The following KIRREL3 variants were observed in gnomAD, a reference collection of about 807,000 sequenced individuals.
KIRREL3 encodes kirre like nephrin family adhesion molecule 3.
In KIRREL3, 36 loss-of-function variants were observed where a neutral mutation model predicts 89.7. That is an observed-to-expected ratio of 0.40 (90% CI 0.31 to 0.53). The LOEUF is 0.53. Ranked by LOEUF, KIRREL3 falls within the 20% of genes least tolerant of loss-of-function variation. The pLI, the probability that KIRREL3 is intolerant of heterozygous loss-of-function variation, is 0.49. For synonymous variants in KIRREL3, 445 were observed against 441.4 expected, an observed-to-expected ratio of 1.01 and a Z score of -0.10; for missense variants, 864 against 1,056.6, an observed-to-expected ratio of 0.82 and a Z score of 2.53.
At chr11:126,957,067 C>G (rs545664315) in intron 1 of KIRREL3, among the ~76,000 whole-genome samples, 1 of 152,334 alleles carries the variant, frequency 6.6e-6, no homozygotes, top group Admixed American at 6.5e-5. Context: ...TGGTGTCTCC[C>G]CACTGTGCCA....
intron 1 of KIRREL3, among the ~76,000 whole-genome samples, chr11:126,889,483 A>T (rs962856574): frequency 6.6e-5 from 10 of 152,132 alleles, no homozygotes; most frequent in African/African-American, 9.7e-5. Flanking sequence ...ATGATTTTTT[A>T]AAAATTGTTC....
rs923582581 is a variant in KIRREL3 at position 126,796,510 on chromosome 11, A to G, written c.55+203945T>C. Among the ~76,000 whole-genome samples, 1 of 152,296 alleles carries G rather than the reference A, an allele frequency of 6.6e-6. No individual in the cohort carries two copies. The highest frequency in any genetic ancestry group is 2.4e-5 in the African/African-American group (1 of 41,552). On this transcript the variant is annotated intron_variant, in intron 1 of 16. Coordinates refer to ENST00000525144, the MANE Select transcript of KIRREL3 (RefSeq NM_032531.4). The surrounding 1 kb of genome is among the most constrained non-coding windows in gnomAD (Gnocchi z 5.1). ...GAATGGTGCGATTTGAAAAGCCTCC[A>G]GTATCTGCTGCTGACATCTGAAATT...
chr11:126,965,295 T>C lies in KIRREL3; in HGVS notation c.55+35160A>G, dbSNP rs1949230300. Among the ~76,000 whole-genome samples the C allele has an allele frequency of 6.6e-6, 1 of 152,212 alleles. No homozygotes were observed. On this transcript the variant is annotated intron_variant, in intron 1 of 16. Transcript: ENST00000525144. The surrounding 1 kb of genome is among the most constrained non-coding windows in gnomAD (Gnocchi z 4.4). ...CAAATCTACTTAGGCTGTTCAATTGTATTGCTTATTTACAGAGATGCTTTT... is the reference window on the plus strand; with the variant it reads ...CAAATCTACTTAGGCTGTTCAATTGCATTGCTTATTTACAGAGATGCTTTT...
intron 1 of KIRREL3, among the ~76,000 whole-genome samples, chr11:126,907,590 T>C (rs1283988888): frequency 6.6e-6 from 1 of 152,194 alleles, no homozygotes; most frequent in Non-Finnish European, 1.5e-5. Flanking sequence ...GGAGCTCTTC[T>C]ACCATTTGCT....
At position 126,936,288 on chromosome 11, in the gene KIRREL3, C is replaced by T. The variant is rs553236902; in HGVS notation, c.55+64167G>A. On this transcript the variant is annotated intron_variant, in intron 1 of 16. Coordinates refer to ENST00000525144, the MANE Select transcript of KIRREL3 (RefSeq NM_032531.4). ...ATAAACTGGAACCCTCAATACATTG[C>T]TGGTAGAAATGTTAAATGTTACAGC... 9 of 152,256 alleles carry T rather than the reference C, an allele frequency of 5.9e-5. No homozygotes were observed. In the East Asian group the frequency reaches 1.2e-3, roughly 20 times the overall value. The allele number at this position is 152,256 out of a possible 1,614,324, so 9.4% of individuals were successfully genotyped here. A position where few individuals can be genotyped will look rare whatever the true frequency, so the allele number is the denominator to read the frequency against.
chr11:126,940,818 T>C lies in KIRREL3; in HGVS notation c.55+59637A>G, dbSNP rs1310915182. On this transcript the variant is annotated intron_variant, in intron 1 of 16. Transcript: ENST00000525144. The surrounding 1 kb of genome is among the most constrained non-coding windows in gnomAD (Gnocchi z 4.6). ...TTTTTTCTTTTCTTTCTTTTTTTTT[T>C]CTTTTGGTGTAACAGTATCGCATGA... is the stretch of plus-strand genomic sequence containing the variant. 1.3e-5 allele frequency: 2 copies of C among 152,118 alleles called. No homozygotes were observed. The highest frequency in any genetic ancestry group is 2.9e-5 in the Non-Finnish European group (2 of 68,046). 9.4% of individuals were successfully genotyped at this position (152,118 alleles called of 1,614,324 possible). A position where few individuals can be genotyped will look rare whatever the true frequency, so the allele number is the denominator to read the frequency against.
At chr11:126,452,413 G>A (rs967159769) in intron 7 of KIRREL3, among the ~76,000 whole-genome samples, 2 of 152,258 alleles carry the variant, frequency 1.3e-5, no homozygotes, top group African/African-American at 2.4e-5. Flanking sequence ...TGAGGCGAGG[G>A]GGCCAGGTGG....
rs950408501 is a variant in KIRREL3 at position 126,606,256 on chromosome 11, T to C, written c.56-43344A>G. On this transcript the variant is annotated intron_variant, in intron 1 of 16. Coordinates refer to ENST00000525144, the MANE Select transcript of KIRREL3 (RefSeq NM_032531.4). The surrounding 1 kb of genome is among the most constrained non-coding windows in gnomAD (Gnocchi z 4.6). ...ATTTTTATGAAGGCACAGTTTAGTA[T>C]GGTGTTTATGAGAGTGGATCTGGAG... Among the ~76,000 whole-genome samples the C allele has an allele frequency of 9.2e-5, 14 of 152,314 alleles. No homozygotes were observed. The highest frequency in any genetic ancestry group is 3.4e-4 in the African/African-American group (14 of 41,564).
rs957577318 is a variant in KIRREL3 at position 126,860,828 on chromosome 11, G to A, written c.55+139627C>T. Among the ~76,000 whole-genome samples the A allele has an allele frequency of 4.6e-5, 7 of 152,136 alleles. No individual in the cohort carries two copies. The highest frequency in any genetic ancestry group is 1.3e-4 in the Admixed American group (2 of 15,276). On this transcript the variant is annotated intron_variant, in intron 1 of 16. Transcript: ENST00000525144. This position sits in a 1 kb window ranked among gnomAD's most constrained non-coding sequence, Gnocchi z 4.6. ...GAGGTACAAATGCAAGATGGCACCCGTGGACACATTGAAAGTTTAGTGATC... is the reference window on the plus strand; with the variant it reads ...GAGGTACAAATGCAAGATGGCACCCATGGACACATTGAAAGTTTAGTGATC...
chr11:126,560,303 C>T lies in KIRREL3; in HGVS notation c.133+2532G>A, dbSNP rs575125543. Reference sequence around the variant, plus strand: ...CACGCACACACACACATACACTCTCCATATATTACCAACCACCTCCATTCC... The same window carrying T: ...CACGCACACACACACATACACTCTCTATATATTACCAACCACCTCCATTCC... On this transcript the variant is annotated intron_variant, in intron 2 of 16. Coordinates refer to ENST00000525144, the MANE Select transcript of KIRREL3 (RefSeq NM_032531.4). Among the ~76,000 whole-genome samples the T allele has an allele frequency of 1.3e-4, 20 of 152,280 alleles. No individual in the cohort carries two copies. The South Asian group carries it at 3.9e-3, about 30-fold the overall frequency.
At position 126,909,005 on chromosome 11, in the gene KIRREL3, AGTT is replaced by A. The variant is rs1352647363; in HGVS notation, c.55+91447_55+91449del. Among the ~76,000 whole-genome samples, 1 of 152,150 alleles carries A rather than the reference AGTT, an allele frequency of 6.6e-6. No individual in the cohort carries two copies. The highest frequency in any genetic ancestry group is 1.5e-5 in the Non-Finnish European group (1 of 68,016). ...TACTTAAATTTGTTATATTATTTAA[AGTT>A]GTTATGTTAAATTTGTGTTATTTTT... On this transcript the variant is annotated intron_variant, in intron 1 of 16. Coordinates refer to ENST00000525144, the MANE Select transcript of KIRREL3 (RefSeq NM_032531.4). The surrounding 1 kb of genome is among the most constrained non-coding windows in gnomAD (Gnocchi z 4.5).
rs56150011 is a variant in KIRREL3 at position 126,924,974 on chromosome 11, GAAAA to G, written c.55+75477_55+75480del. 5.6e-5 allele frequency among the ~76,000 whole-genome samples: 8 copies of G among 143,100 alleles called. No homozygotes were observed. The highest frequency in any genetic ancestry group is 9.1e-5 in the Non-Finnish European group (6 of 66,010). The allele number at this position is 143,100 out of a possible 152,430, so 93.9% of individuals were successfully genotyped here. A position where few individuals can be genotyped will look rare whatever the true frequency, so the allele number is the denominator to read the frequency against. ...CAGTGGAGGAGGTTGGGATAAAATT[GAAAA>G]AAAAAAAAAACAGTCCTAGGAGTTA... On this transcript the variant is annotated intron_variant, in intron 1 of 16. Transcript: ENST00000525144. This position sits in a 1 kb window ranked among gnomAD's most constrained non-coding sequence, Gnocchi z 4.7.
In KIRREL3 at chr11:126,622,865, A is replaced by G. The variant is rs143275453; in HGVS notation, c.56-59953T>C. 2.4e-3 allele frequency among the ~76,000 whole-genome samples: 360 copies of G among 152,278 alleles called. 2 individuals are homozygous for G. Among genetic ancestry groups the G allele is most frequent in the African/African-American group, 8.4e-3 (348 of 41,564 alleles). ...GCACAATTTTATTTGCTTTATCTAT[A>G]TTAATTCTTTTCATCCTTATGAAAA... On this transcript the variant is annotated intron_variant, in intron 1 of 16. Transcript: ENST00000525144. This position sits in a 1 kb window ranked among gnomAD's most constrained non-coding sequence, Gnocchi z 5.2.
rs1955649011 is a variant in KIRREL3 at position 126,443,113 on chromosome 11, G to T, written c.1252+1866C>A. 6.6e-6 allele frequency among the ~76,000 whole-genome samples: 1 copy of T among 152,190 alleles called. No homozygotes were observed. Among genetic ancestry groups the T allele is most frequent in the South Asian group, 2.1e-4 (1 of 4,832 alleles). ...ACGTCTAAAGTGACAGCAGATGTCA[G>T]CTCCTCCTTTATCCACCTGCTTTTC... On this transcript the variant is annotated intron_variant, in intron 10 of 16. Coordinates refer to ENST00000525144, the MANE Select transcript of KIRREL3 (RefSeq NM_032531.4). This position sits in a 1 kb window ranked among gnomAD's most constrained non-coding sequence, Gnocchi z 7.3.
intron 4 of KIRREL3, among the ~76,000 whole-genome samples, chr11:126,511,496 T>C (rs1948456977): frequency 6.6e-6 from 1 of 152,174 alleles, no homozygotes; most frequent in Admixed American, 6.5e-5. Context: ...GCAATGCATC[T>C]TTCCTCTGCA....
chr11:126,599,822 C>G (rs941629081), intron 1 of KIRREL3, among the ~76,000 whole-genome samples: 6 of 152,192 alleles, frequency 3.9e-5, no homozygotes, highest in African/African-American at 1.4e-4. Context: ...CCTGACTTGA[C>G]CCCAGCTGGT....
intron 1 of KIRREL3, among the ~76,000 whole-genome samples, chr11:126,583,993 G>A (rs189148687): frequency 1.1e-4 from 16 of 152,284 alleles, no homozygotes; most frequent in Non-Finnish European, 7.4e-5. Flanking sequence ...TGTTTATTAT[G>A]TGTAAATAGG....
In KIRREL3 at chr11:126,444,198, T is replaced by TTA. The variant is rs528974086; in HGVS notation, c.1252+779_1252+780dup. Among the ~76,000 whole-genome samples, 132 of 152,336 alleles carry TTA rather than the reference T, an allele frequency of 8.7e-4. 1 individual carries two copies. Among genetic ancestry groups the TTA allele is most frequent in the Non-Finnish European group, 1.6e-3 (110 of 68,020 alleles). On this transcript the variant is annotated intron_variant, in intron 10 of 16. Coordinates refer to ENST00000525144, the MANE Select transcript of KIRREL3 (RefSeq NM_032531.4). ...TACTCCCCTGCTGCAATTATTTTTATTATATATAATAAGACATGCCCCCTG... is the reference window on the plus strand; with the variant it reads ...TACTCCCCTGCTGCAATTATTTTTATTATATATATAATAAGACATGCCCCCTG...
rs2135084659 is a variant in KIRREL3 at position 126,677,643 on chromosome 11, A to G, written c.56-114731T>C. Among the ~76,000 whole-genome samples the G allele has an allele frequency of 6.6e-6, 1 of 152,288 alleles. No homozygotes were observed. Among genetic ancestry groups the G allele is most frequent in the Non-Finnish European group, 1.5e-5 (1 of 68,014 alleles). On this transcript the variant is annotated intron_variant, in intron 1 of 16. Coordinates refer to ENST00000525144, the MANE Select transcript of KIRREL3 (RefSeq NM_032531.4). This position sits in a 1 kb window ranked among gnomAD's most constrained non-coding sequence, Gnocchi z 5.1. Reference sequence around the variant, plus strand: ...CTGTCGCTGTGCTAGGTGCTGAAGCAGGGCTGGGATGGGGGTGTGAAGACA... The same window carrying G: ...CTGTCGCTGTGCTAGGTGCTGAAGCGGGGCTGGGATGGGGGTGTGAAGACA...
Sources: gnomAD v4.1 joint callset for allele counts (sites outside exome capture counted in the v4.1 genomes callset) on GRCh38, gnomAD v4.1.1 for gene constraint, Gnocchi (gnomAD v3.1) non-coding constraint, MANE v1.5 for transcripts, NCBI Gene and HGNC (gene_info 2026-07-23, HGNC 2026-07-21) for gene names.